CD86: variants seen among roughly 807,000 people sequenced by gnomAD.
CD86 encodes the protein T-lymphocyte activation antigen CD86.
A neutral mutation model predicts 32.1 loss-of-function variants in CD86; 11 were observed. That is an observed-to-expected ratio of 0.34 (90% CI 0.22 to 0.57). CD86 has a LOEUF of 0.57. Ranked by LOEUF, CD86 falls within the 20% of genes least tolerant of loss-of-function variation. The pLI is 0.86. For synonymous variants in CD86, 137 were observed against 135.3 expected (o/e 1.01, Z -0.09); for missense variants, 359 against 398.4 (o/e 0.90, Z 0.84).
intron 1 of CD86, among the ~76,000 whole-genome samples, chr3:122,068,500 A>G (rs1255885152): frequency 2.0e-5 from 3 of 152,196 alleles, no homozygotes; most frequent in Non-Finnish European, 4.4e-5. Flanking sequence ...GTAAATGCAC[A>G]CCCTTAGACA....
At chr3:122,076,507 A>G (rs994218871) in intron 1 of CD86, among the ~76,000 whole-genome samples, 3 of 152,230 alleles carry the variant, frequency 2.0e-5, no homozygotes, top group African/African-American at 7.2e-5. Flanking sequence ...ATCTATCTGT[A>G]TGAAGGATGA....
chr3:122,104,559 C>T (rs1439395513), intron 3 of CD86, among the ~76,000 whole-genome samples: 2 of 152,122 alleles, frequency 1.3e-5, no homozygotes, highest in Admixed American at 6.6e-5. Context: ...CGCCACAGGA[C>T]ATAGAGCATT....
intron 1 of CD86, among the ~76,000 whole-genome samples, chr3:122,064,553 C>T (rs551492497): frequency 2.0e-5 from 3 of 152,054 alleles, no homozygotes; most frequent in Admixed American, 6.6e-5. Context: ...TGTCCACAGG[C>T]GAGCCCCATT....
In CD86 at chr3:122,091,589, TC is replaced by T. The variant is rs2072823429; in HGVS notation, c.15-11del. The T allele has an allele frequency of 6.6e-7, 1 of 1,519,802 alleles. No individual in the cohort carries two copies. Among genetic ancestry groups the T allele is most frequent in the South Asian group, 1.2e-5 (1 of 85,912 alleles). 94.1% of individuals were successfully genotyped at this position (1,519,802 alleles called of 1,614,324 possible). Reference sequence around the variant, plus strand: ...TCTAATCAAGTTTTACCTTTTTTTTTCTCGACTCTAGCACTATGGGACTGAG... The same window carrying T: ...TCTAATCAAGTTTTACCTTTTTTTTTTCGACTCTAGCACTATGGGACTGAG... On this transcript the variant is annotated splice_polypyrimidine_tract_variant and intron_variant, in intron 1 of 6. Coordinates refer to ENST00000330540, the MANE Select transcript of CD86 (RefSeq NM_175862.5).
chr3:122,101,506 AAAAAAAAATATAT>A (rs1169803944), intron 2 of CD86, among the ~76,000 whole-genome samples: 4,622 of 57,146 alleles, frequency 0.081, 123 homozygotes, highest in South Asian at 0.17. Context: ...AAAAAAAAAA[AAAAAAAAATATAT>A]ATATATATAT....
intron 1 of CD86, among the ~76,000 whole-genome samples, chr3:122,056,542 C>G (rs1381501699): frequency 6.6e-6 from 1 of 152,094 alleles, no homozygotes; most frequent in Non-Finnish European, 1.5e-5. Flanking sequence ...CCATGTTGGC[C>G]AGGATGGTCT....
rs2073312923 is a variant in CD86, at chr3:122,119,635, A to ACCC, written c.*103_*104insCCC. 1.4e-6 allele frequency: 1 copy of ACCC among 718,602 alleles called. No homozygotes were observed. The highest frequency in any genetic ancestry group is 1.8e-5 in the African/African-American group (1 of 55,940). 44.5% of individuals were successfully genotyped at this position (718,602 alleles called of 1,614,324 possible). On this transcript the variant is annotated 3_prime_UTR_variant, in exon 7 of 7. Coordinates refer to ENST00000330540, the MANE Select transcript of CD86 (RefSeq NM_175862.5). ...TTCTTCCAGAAGGCAAAAAGACATT[A>ACCC]CCATGAGTAATAAGGGGGCTCCAGG...
At chr3:122,108,284 G>A (rs901800600) in intron 4 of CD86, among the ~76,000 whole-genome samples, 4 of 152,172 alleles carry the variant, frequency 2.6e-5, no homozygotes, top group Non-Finnish European at 4.4e-5. Flanking sequence ...TGAGTCAAGG[G>A]GCCTTTTTTG....
chr3:122,107,335 G>A (rs1370564286), intron 4 of CD86, among the ~76,000 whole-genome samples: 2 of 152,240 alleles, frequency 1.3e-5, no homozygotes, highest in African/African-American at 4.8e-5. Flanking sequence ...GAGGACCACA[G>A]TGGATCAGCT....
At position 122,109,326 on chromosome 3, in the gene CD86, A is replaced by G. The variant is rs1576785527; in HGVS notation, c.765A>G (p.Thr255=). ...HIPWITAVLP[T]VIICVMVFCL... is the part of the protein sequence containing the mutation. ...CTTGGATTACAGCTGTACTTCCAACAGTTATTATATGTGTGATGGTTTTCT... is the reference window on the plus strand; with the variant it reads ...CTTGGATTACAGCTGTACTTCCAACGGTTATTATATGTGTGATGGTTTTCT... Residue 255 remains threonine (T), a synonymous_variant, in exon 5 of 7, where the codon ACA becomes ACG. Transcript: ENST00000330540. 5.0e-6 allele frequency: 8 copies of G among 1,614,058 alleles called. No individual in the cohort carries two copies. Among genetic ancestry groups the G allele is most frequent in the Non-Finnish European group, 6.8e-6 (8 of 1,179,938 alleles).
intron 1 of CD86, chr3:122,077,985 G>C (rs573384618): frequency 1.0e-6 from 1 of 985,686 alleles, no homozygotes; most frequent in Non-Finnish European, 1.2e-6. Context: ...CCTTGGGAAT[G>C]CTGCTGTGCT....
At chr3:122,057,139 A>T (rs2072249630) in intron 1 of CD86, among the ~76,000 whole-genome samples, 1 of 152,212 alleles carries the variant, frequency 6.6e-6, no homozygotes, top group South Asian at 2.1e-4. Flanking sequence ...GATTATTTGT[A>T]CCCTAGTTGC....
intron 1 of CD86, among the ~76,000 whole-genome samples, chr3:122,085,506 G>A (rs898197635): frequency 2.6e-5 from 4 of 152,188 alleles, no homozygotes; most frequent in East Asian, 1.9e-4. Context: ...GCTTCCCAGC[G>A]TGGGTTTAGG....
At chr3:122,111,479 G>A (rs1214878175) in intron 5 of CD86, among the ~76,000 whole-genome samples, 3 of 152,198 alleles carry the variant, frequency 2.0e-5, no homozygotes, top group Non-Finnish European at 4.4e-5. Context: ...TTATCCAGGT[G>A]GGCCCAATGT....
intron 5 of CD86, among the ~76,000 whole-genome samples, chr3:122,112,653 A>G (rs531595536): frequency 6.6e-6 from 1 of 152,310 alleles, no homozygotes; most frequent in Admixed American, 6.5e-5. Flanking sequence ...TGAATTTGTA[A>G]GCAAATTTAA....
At chr3:122,067,456 A>G (rs2072431206) in intron 1 of CD86, among the ~76,000 whole-genome samples, 1 of 152,230 alleles carries the variant, frequency 6.6e-6, no homozygotes, top group African/African-American at 2.4e-5. Context: ...CCAAGGTATG[A>G]AAATGGCCTG....
intron 2 of CD86, among the ~76,000 whole-genome samples, chr3:122,101,766 C>T (rs1465623484): frequency 6.6e-6 from 1 of 151,970 alleles, no homozygotes; most frequent in Non-Finnish European, 1.5e-5. Context: ...AGGGGGCACT[C>T]TTGCATTACA....
intron 1 of CD86, among the ~76,000 whole-genome samples, chr3:122,070,673 T>C (rs2072476909): frequency 6.6e-6 from 1 of 152,206 alleles, no homozygotes; most frequent in African/African-American, 2.4e-5. Context: ...GGGCCTTTTC[T>C]TTAATTTACC....
At chr3:122,109,450 C>A in intron 5 of CD86, 42 bp downstream of exon 5, 3 of 1,610,292 alleles carry the variant, frequency 1.9e-6, no homozygotes, top group Non-Finnish European at 1.7e-6. Flanking sequence ...TCACTTTGCA[C>A]CTACTTCCCA....
Sources: allele counts gnomAD v4.1 joint callset (sites outside exome capture counted in the v4.1 genomes callset), GRCh38; gene constraint gnomAD v4.1.1; transcripts MANE v1.5; gene names NCBI Gene and HGNC (gene_info 2026-07-23, HGNC 2026-07-21).